The following FAM78A variants were observed in gnomAD, a reference collection of about 807,000 sequenced individuals.
FAM78A encodes the protein protein FAM78A.
Under a neutral mutation model 22.6 loss-of-function variants are expected in FAM78A, and 12 were observed. The observed-to-expected ratio is 0.53, with a 90% CI of 0.34 to 0.86. The LOEUF is 0.86. Ranked by LOEUF, FAM78A falls within the 40% of genes least tolerant of loss-of-function variation. The pLI is 0.02. For synonymous variants in FAM78A, 151 were observed against 155.8 expected (o/e 0.97, Z 0.23); for missense variants, 322 against 396.1 (o/e 0.81, Z 1.59).
At chr9:131,264,982 C>T (rs1292780972) in intron 1 of FAM78A, among the ~76,000 whole-genome samples, 2 of 152,104 alleles carry the variant, frequency 1.3e-5, no homozygotes, top group East Asian at 3.9e-4. Context: ...CTTGGCCTCC[C>T]GAAGTGTCTG....
chr9:131,277,741 G>T (rs1180203971), upstream of FAM78A, among the ~76,000 whole-genome samples: 2 of 151,104 alleles, frequency 1.3e-5, no homozygotes, highest in African/African-American at 4.8e-5. This position sits in a 1 kb window ranked among gnomAD's most constrained non-coding sequence, Gnocchi z 8.4. Context: ...GGGGCGGCCG[G>T]GGGCGGAGGG....
rs528812753 is a variant in FAM78A at position 131,276,283 on chromosome 9, G to GGTT, written c.-107_-105dup. ...ATAGAAAACTCACTGAGTAGACTGGGGTTGCATATATCACTACCGCGGCCT... is the reference window on the plus strand; with the variant it reads ...ATAGAAAACTCACTGAGTAGACTGGGGTTGTTGCATATATCACTACCGCGGCCT... On this transcript the variant is annotated 5_prime_UTR_variant, in exon 1 of 2. Transcript: ENST00000372271. This position sits in a 1 kb window ranked among gnomAD's most constrained non-coding sequence, Gnocchi z 4.3. The GGTT allele has an allele frequency of 3.0e-4, 270 of 907,806 alleles. No individual in the cohort carries two copies. In the African/African-American group the frequency reaches 4.2e-3, roughly 14 times the overall value. The allele number at this position is 907,806 out of a possible 1,614,324, so 56.2% of individuals were successfully genotyped here. A position where few individuals can be genotyped will look rare whatever the true frequency, so the allele number is the denominator to read the frequency against.
upstream of FAM78A, among the ~76,000 whole-genome samples, chr9:131,277,160 A>G (rs1835497517): frequency 6.6e-6 from 1 of 151,324 alleles, no homozygotes; most frequent in Non-Finnish European, 1.5e-5. The surrounding 1 kb of genome is among the most constrained non-coding windows in gnomAD (Gnocchi z 8.4). Flanking sequence ...CCAGCGAATA[A>G]TAGCCGCCCG....
Position 131,264,426 on chromosome 9 carries a change from C to G in FAM78A, c.324-3076G>C, listed in dbSNP as rs145695315. On this transcript the variant is annotated intron_variant, in intron 1 of 1. Coordinates refer to ENST00000372271, the MANE Select transcript of FAM78A (RefSeq NM_033387.4). Reference sequence around the variant, plus strand: ...GGATCCCTCCACCTGGGGGTTGCAGCGGGTGCAGCAGCCCAGGGTCCACTG... The same window carrying G: ...GGATCCCTCCACCTGGGGGTTGCAGGGGGTGCAGCAGCCCAGGGTCCACTG... 1.0e-3 allele frequency: 607 copies of G among 592,154 alleles called. 1 individual carries two copies. Among genetic ancestry groups the G allele is most frequent in the African/African-American group, 9.9e-3 (531 of 53,868 alleles). The allele number at this position is 592,154 out of a possible 1,614,324, so 36.7% of individuals were successfully genotyped here. A position where few individuals can be genotyped will look rare whatever the true frequency, so the allele number is the denominator to read the frequency against.
rs764606238 is a variant in FAM78A, at chr9:131,261,379, C to A, written c.324-29G>T. 3.3e-6 allele frequency: 5 copies of A among 1,533,592 alleles called. No homozygotes were observed. The Admixed American group carries it at 8.0e-5, about 25-fold the overall frequency. 95.0% of individuals were successfully genotyped at this position (1,533,592 alleles called of 1,614,324 possible). ...AGGACAAGGAAGGCCAGTTCACTCA[C>A]TCGGTCACTCAAGGAGGGCTTTCTG... is the stretch of plus-strand genomic sequence containing the variant. On this transcript the variant is annotated intron_variant, in intron 1 of 1. Transcript: ENST00000372271. This position sits in a 1 kb window ranked among gnomAD's most constrained non-coding sequence, Gnocchi z 7.1.
upstream of FAM78A, among the ~76,000 whole-genome samples, chr9:131,278,729 C>G (rs1379271198): frequency 2.0e-5 from 3 of 152,240 alleles, no homozygotes; most frequent in Non-Finnish European, 4.4e-5. Context: ...TGAACCCCAC[C>G]CCTACCTTCC....
chr9:131,268,550 C>A (rs1321018707), intron 1 of FAM78A, among the ~76,000 whole-genome samples: 2 of 152,252 alleles, frequency 1.3e-5, no homozygotes, highest in African/African-American at 4.8e-5. Context: ...AGCTGTGGAT[C>A]ACTGGGATCT....
rs75294617 is a variant in FAM78A, at chr9:131,268,716, C to T, written c.323+7141G>A. Among the ~76,000 whole-genome samples the T allele has an allele frequency of 2.6e-5, 4 of 151,612 alleles. No homozygotes were observed. In the East Asian group the frequency reaches 7.8e-4, roughly 30 times the overall value. On this transcript the variant is annotated intron_variant, in intron 1 of 1. Coordinates refer to ENST00000372271, the MANE Select transcript of FAM78A (RefSeq NM_033387.4). ...GAGATCGAGACAGAGACGGGTGAAACCCCGTCTCTACTAAAAATACAAAAA... is the reference window on the plus strand; with the variant it reads ...GAGATCGAGACAGAGACGGGTGAAATCCCGTCTCTACTAAAAATACAAAAA...
At position 131,276,047 on chromosome 9, in the gene FAM78A, C is replaced by T. The variant is rs1835479976; in HGVS notation, c.133G>A (p.Ala45Thr). 1.9e-6 allele frequency: 3 copies of T among 1,613,696 alleles called. No homozygotes were observed. The highest frequency in any genetic ancestry group is 1.7e-5 in the Admixed American group (1 of 60,002). Residue 45 changes from alanine to threonine, a missense_variant, in exon 1 of 2, where the codon GCC becomes ACC. Transcript: ENST00000372271. This position sits in a 1 kb window ranked among gnomAD's most constrained non-coding sequence, Gnocchi z 4.3. ...CTAGTGGGGACGGGGTCGATGGAGG[C>T]TTTCACATCAATCACCGTGATCCCT... Reference protein sequence around the residue: ...REGITVIDVKASIDPVPTSID... With the variant: ...REGITVIDVKTSIDPVPTSID...
rs1835451781 is a variant in FAM78A at position 131,274,105 on chromosome 9, G to C, written c.323+1752C>G. Among the ~76,000 whole-genome samples, 1 of 152,262 alleles carries C rather than the reference G, an allele frequency of 6.6e-6. No individual in the cohort carries two copies. The stretch of plus-strand genomic sequence containing the variant: ...GTCACCAGATGGAGAACAAGTCTTA[G>C]ACAAGACATCGGAAGCCCATGTGCA... On this transcript the variant is annotated intron_variant, in intron 1 of 1. Transcript: ENST00000372271. This position sits in a 1 kb window ranked among gnomAD's most constrained non-coding sequence, Gnocchi z 4.2.
chr9:131,270,222 C>T (rs796699681), intron 1 of FAM78A: 1 of 713,164 alleles, frequency 1.4e-6, no homozygotes, highest in Non-Finnish European at 2.6e-6. Flanking sequence ...CAAGTACAAC[C>T]ACCGAGCTGA....
chr9:131,276,318 T>C lies in FAM78A; in HGVS notation c.-139A>G. On this transcript the variant is annotated 5_prime_UTR_variant, in exon 1 of 2. Transcript: ENST00000372271. The surrounding 1 kb of genome is among the most constrained non-coding windows in gnomAD (Gnocchi z 4.3). ...ATCACTACCGCGGCCTGTTTATAAA[T>C]AAGGATTCTGCTGCATTTCATGAGC... 3 of 651,508 alleles carry C rather than the reference T, an allele frequency of 4.6e-6. No homozygotes were observed. The highest frequency in any genetic ancestry group is 7.7e-6 in the Non-Finnish European group (3 of 389,038). 40.4% of individuals were successfully genotyped at this position (651,508 alleles called of 1,614,324 possible). A position where few individuals can be genotyped will look rare whatever the true frequency, so the allele number is the denominator to read the frequency against.
At position 131,276,172 on chromosome 9, in the gene FAM78A, C is replaced by A. The variant is rs760208083; in HGVS notation, c.8G>T (p.Gly3Val). Residue 3 changes from glycine (G) to valine (V), a missense_variant, in exon 1 of 2, where the codon GGT becomes GTT. By Grantham distance (109) the Gly-to-Val change is moderately radical. Coordinates refer to ENST00000372271, the MANE Select transcript of FAM78A (RefSeq NM_033387.4). This position sits in a 1 kb window ranked among gnomAD's most constrained non-coding sequence, Gnocchi z 4.3. MP[G>V]FFCDCWPSLE... ...GGAAGGCCAGCAGTCACAGAAAAAA[C>A]CAGGCATTGAAAGGACAGAGGCTGC... 1.7e-4 allele frequency: 277 copies of A among 1,611,500 alleles called. No homozygotes were observed. Among genetic ancestry groups the A allele is most frequent in the Middle Eastern group, 1.3e-3 (8 of 6,056 alleles).
intron 1 of FAM78A, chr9:131,264,285 A>C (rs1259519643): frequency 2.6e-6 from 1 of 378,092 alleles, no homozygotes; most frequent in Non-Finnish European, 4.8e-6. Flanking sequence ...CCAGTCCTGA[A>C]ACTCCCAGGC....
rs578068328 is a variant in FAM78A, at chr9:131,272,240, G to A, written c.323+3617C>T. 1.3e-4 allele frequency among the ~76,000 whole-genome samples: 20 copies of A among 152,270 alleles called. No individual in the cohort carries two copies. The highest frequency in any genetic ancestry group is 3.9e-4 in the Admixed American group (6 of 15,302). Reference sequence around the variant, plus strand: ...CTCGCTACCTAGCTGTCCCTTCCCCGGGCCACTAAAGCACAGGGCCTGGGT... The same window carrying A: ...CTCGCTACCTAGCTGTCCCTTCCCCAGGCCACTAAAGCACAGGGCCTGGGT... On this transcript the variant is annotated intron_variant, in intron 1 of 1. Transcript: ENST00000372271. The surrounding 1 kb of genome is among the most constrained non-coding windows in gnomAD (Gnocchi z 4.1).
At chr9:131,270,216 T>G in intron 1 of FAM78A, 1 of 711,344 alleles carries the variant, frequency 1.4e-6, no homozygotes, top group Non-Finnish European at 2.6e-6. Context: ...CAAAAACAAG[T>G]ACAACCACCG....
At chr9:131,264,996 T>C (rs1388297594) in intron 1 of FAM78A, among the ~76,000 whole-genome samples, 4 of 152,172 alleles carry the variant, frequency 2.6e-5, no homozygotes, top group Non-Finnish European at 5.9e-5. Context: ...GTGTCTGGGA[T>C]TACAGGCGTG....
chr9:131,264,728 T>TTC, intron 1 of FAM78A: 234 of 418,856 alleles, frequency 5.6e-4, no homozygotes, highest in Non-Finnish European at 7.3e-4. Context: ...TTTCTGACCT[T>TTC]TTTTTTTTTT....
rs534814046 is a variant in FAM78A at position 131,261,878 on chromosome 9, G to A, written c.324-528C>T. On this transcript the variant is annotated intron_variant, in intron 1 of 1. Transcript: ENST00000372271. The surrounding 1 kb of genome is among the most constrained non-coding windows in gnomAD (Gnocchi z 7.1). Reference sequence around the variant, plus strand: ...GCTCAGGACACCCTGCGCCCACTGCGCCTTCTGCTCACCTACGTGCACAGC... The same window carrying A: ...GCTCAGGACACCCTGCGCCCACTGCACCTTCTGCTCACCTACGTGCACAGC... 5.9e-5 allele frequency among the ~76,000 whole-genome samples: 9 copies of A among 152,276 alleles called. No individual in the cohort carries two copies. Among genetic ancestry groups the A allele is most frequent in the Middle Eastern group, 3.4e-3 (1 of 294 alleles).
Sources: allele counts gnomAD v4.1 joint callset (sites outside exome capture counted in the v4.1 genomes callset), GRCh38; gene constraint gnomAD v4.1.1; non-coding constraint Gnocchi (gnomAD v3.1); transcripts MANE v1.5; gene names NCBI Gene and HGNC (gene_info 2026-07-23, HGNC 2026-07-21).